POLN: variants seen among roughly 807,000 people sequenced by gnomAD.
POLN encodes DNA polymerase nu.
A neutral mutation model predicts 113.5 loss-of-function variants in POLN; 108 were observed. The observed-to-expected ratio is 0.95, with a 90% CI of 0.81 to 1.12. POLN has a LOEUF of 1.12. Among genes scored for constraint, POLN ranks in the 50% most tolerant of loss-of-function variants. The probability of loss-of-function intolerance (pLI) is 0.00; values close to 1 mark genes in which losing one functional copy is unlikely to be tolerated. For missense variants in POLN, 1,097 were observed against 1,077.1 expected (o/e 1.02, Z -0.26); for synonymous variants, 386 against 391.5 (o/e 0.99, Z 0.17).
At chr4:2,119,705 A>C (rs900056881) in intron 19 of POLN, among the ~76,000 whole-genome samples, 4 of 152,212 alleles carry the variant, frequency 2.6e-5, no homozygotes, top group African/African-American at 9.6e-5. Context: ...ATTTACATGA[A>C]ATAAACATTT....
intron 7 of POLN, among the ~76,000 whole-genome samples, chr4:2,191,803 G>A (rs1169688344): frequency 6.6e-6 from 1 of 152,126 alleles, no homozygotes; most frequent in Non-Finnish European, 1.5e-5. Context: ...GATCCAGGAA[G>A]TGGCAGTTTG....
chr4:2,100,958 G>C (rs1042739224), intron 19 of POLN, among the ~76,000 whole-genome samples: 6 of 152,216 alleles, frequency 3.9e-5, no homozygotes, highest in African/African-American at 1.4e-4. Context: ...CATATACAGA[G>C]TAGAACAGAG....
At chr4:2,238,467 A>T (rs1199391063) in intron 2 of POLN, 1 of 537,800 alleles carries the variant, frequency 1.9e-6, no homozygotes, top group Non-Finnish European at 3.2e-6. Context: ...GCATATGAAA[A>T]TGGAAAAAAA....
chr4:2,181,082 A>G (rs909410870), intron 7 of POLN, among the ~76,000 whole-genome samples: 1 of 151,082 alleles, frequency 6.6e-6, no homozygotes, highest in African/African-American at 2.5e-5. Flanking sequence ...GCAAATAAAC[A>G]TAATAGCTAA....
chr4:2,240,960 C>A (rs1734965330), intron 2 of POLN: 1 of 1,573,256 alleles, frequency 6.4e-7, no homozygotes, highest in Non-Finnish European at 8.5e-7. Flanking sequence ...TTTAACTACC[C>A]CAATTTTGTT....
intron 13 of POLN, among the ~76,000 whole-genome samples, chr4:2,166,389 G>C (rs1421686474): frequency 6.6e-6 from 1 of 152,216 alleles, no homozygotes; most frequent in Non-Finnish European, 1.5e-5. Flanking sequence ...ACTCAGTCTG[G>C]AGTGTGTCAC....
At chr4:2,086,803 C>T (rs552124733) in intron 20 of POLN, among the ~76,000 whole-genome samples, 1 of 152,284 alleles carries the variant, frequency 6.6e-6, no homozygotes, top group South Asian at 2.1e-4. Context: ...CTTGGCTGTC[C>T]TCTGTGATAG....
chr4:2,077,299 A>G (rs930817585), intron 23 of POLN, among the ~76,000 whole-genome samples: 2 of 152,206 alleles, frequency 1.3e-5, no homozygotes, highest in Non-Finnish European at 2.9e-5. Flanking sequence ...GATGGGAGAA[A>G]AGTCTGCCTT....
intron 4 of POLN, among the ~76,000 whole-genome samples, chr4:2,212,094 T>C (rs1170187465): frequency 1.3e-5 from 2 of 152,162 alleles, no homozygotes; most frequent in East Asian, 3.9e-4. Flanking sequence ...TATAGGGCAT[T>C]TAGGTTTAAA....
chr4:2,232,460 A>G (rs1734618294), intron 2 of POLN, among the ~76,000 whole-genome samples: 1 of 152,180 alleles, frequency 6.6e-6, no homozygotes, highest in African/African-American at 2.4e-5. Context: ...TGTGCCAAGT[A>G]CTGTTTTAGA....
intron 24 of POLN, among the ~76,000 whole-genome samples, chr4:2,074,975 T>C (rs1165621208): frequency 6.6e-6 from 1 of 152,108 alleles, no homozygotes; most frequent in African/African-American, 2.4e-5. Flanking sequence ...AGGGGTGGCC[T>C]GTGGGACAGG....
chr4:2,124,097 G>T (rs1731517079), intron 19 of POLN, among the ~76,000 whole-genome samples: 1 of 152,104 alleles, frequency 6.6e-6, no homozygotes, highest in Admixed American at 6.5e-5. Flanking sequence ...AGATACAAAA[G>T]GTTCCATGTT....
chr4:2,124,219 G>A (rs535997694), intron 19 of POLN, among the ~76,000 whole-genome samples: 21 of 152,228 alleles, frequency 1.4e-4, no homozygotes, highest in African/African-American at 4.6e-4. Context: ...TGGTTAATGG[G>A]CATGAGTTTT....
intron 23 of POLN, among the ~76,000 whole-genome samples, chr4:2,078,115 G>A (rs1181440031): frequency 1.3e-5 from 2 of 152,268 alleles, no homozygotes; most frequent in East Asian, 1.9e-4. Context: ...GAACTGCTCT[G>A]TGGACTCATC....
At chr4:2,189,129 T>C (rs1474118212) in intron 7 of POLN, among the ~76,000 whole-genome samples, 1 of 151,772 alleles carries the variant, frequency 6.6e-6, no homozygotes, top group African/African-American at 2.4e-5. Flanking sequence ...CCAGAGAAAA[T>C]CACTTAACCA....
At chr4:2,188,864 G>C (rs1353734947) in intron 7 of POLN, among the ~76,000 whole-genome samples, 1 of 152,176 alleles carries the variant, frequency 6.6e-6, no homozygotes, top group African/African-American at 2.4e-5. Context: ...GCAACAAAAA[G>C]TCAAAATGTG....
At chr4:2,152,997 C>A (rs935061169) in intron 16 of POLN, among the ~76,000 whole-genome samples, 2 of 152,222 alleles carry the variant, frequency 1.3e-5, no homozygotes, top group Admixed American at 6.5e-5. Flanking sequence ...ATCTGTCCCA[C>A]AAAAATACAA....
intron 20 of POLN, chr4:2,088,956 G>A (rs1459803080): frequency 1.3e-5 from 12 of 954,004 alleles, no homozygotes; most frequent in East Asian, 7.8e-5. Context: ...GCCTTGGTCC[G>A]AGACAGAGAA....
chr4:2,088,736 T>A (rs1328867986), intron 20 of POLN: 2 of 1,187,906 alleles, frequency 1.7e-6, no homozygotes, highest in Admixed American at 3.4e-5. Flanking sequence ...TGCTTTTTTT[T>A]TATTAGCTTT....
Sources: allele counts gnomAD v4.1 joint callset (sites outside exome capture counted in the v4.1 genomes callset), GRCh38; gene constraint gnomAD v4.1.1; transcripts MANE v1.5; gene names NCBI Gene and HGNC (gene_info 2026-07-23, HGNC 2026-07-21).